The following CELF5 variants were observed in gnomAD, a reference collection of about 807,000 sequenced individuals.
CELF5 encodes CUGBP Elav-like family member 5.
CELF5 carries 6 observed loss-of-function variants against 54.9 expected under a neutral mutation model. The observed-to-expected ratio is 0.11, with a 90% CI of 0.06 to 0.22. CELF5 has a LOEUF of 0.22. CELF5 is among the 10% of genes least tolerant of loss of function. The probability of loss-of-function intolerance (pLI) is 1.00; values close to 1 mark genes in which losing one functional copy is unlikely to be tolerated. For missense variants in CELF5, 401 were observed against 678.6 expected, an observed-to-expected ratio of 0.59 and a Z score of 4.54; for synonymous variants, 271 against 290.9, an observed-to-expected ratio of 0.93 and a Z score of 0.70.
In CELF5 at chr19:3,275,189, G is replaced by A. The variant is rs1018649042; in HGVS notation, c.395-667G>A. The stretch of plus-strand genomic sequence containing the variant: ...CCAGGGAGCATGCAGTTACCCAAGG[G>A]GGCAGAGCTCACACAGGAGAGGCTG... On this transcript the variant is annotated intron_variant, in intron 3 of 12. Coordinates refer to ENST00000292672, the MANE Select transcript of CELF5 (RefSeq NM_021938.4). This position sits in a 1 kb window ranked among gnomAD's most constrained non-coding sequence, Gnocchi z 6.7. Among the ~76,000 whole-genome samples, 2 of 152,250 alleles carry A rather than the reference G, an allele frequency of 1.3e-5. No individual in the cohort carries two copies. The highest frequency in any genetic ancestry group is 4.8e-5 in the African/African-American group (2 of 41,546).
intron 10 of CELF5, among the ~76,000 whole-genome samples, chr19:3,288,876 A>G (rs1368701678): frequency 6.6e-6 from 1 of 152,136 alleles, no homozygotes; most frequent in Non-Finnish European, 1.5e-5. Context: ...TGGCAAGCGC[A>G]GGGATTCCTC....
At chr19:3,256,723 G>A (rs10420960) in intron 2 of CELF5, among the ~76,000 whole-genome samples, 29,441 of 151,272 alleles carry the variant, frequency 0.19, 3,300 homozygotes, top group East Asian at 0.54. Context: ...ATGTGCCACC[G>A]TGCCATGCTA....
intron 4 of CELF5, among the ~76,000 whole-genome samples, chr19:3,277,397 G>T (rs567896463): frequency 6.6e-6 from 1 of 152,262 alleles, no homozygotes; most frequent in Non-Finnish European, 1.5e-5. Flanking sequence ...GCTTGAACCC[G>T]GGAGGCAGAT....
intron 1 of CELF5, among the ~76,000 whole-genome samples, chr19:3,239,791 T>C (rs1054613106): frequency 7.2e-5 from 11 of 151,830 alleles, no homozygotes; most frequent in African/African-American, 2.4e-4. Flanking sequence ...ACCTTGACTC[T>C]GCCCCCTCAC....
In CELF5 at chr19:3,237,400, A is replaced by C. The variant is rs12462127; in HGVS notation, c.259+12402A>C. 6.8e-3 allele frequency among the ~76,000 whole-genome samples: 1,012 copies of C among 149,890 alleles called. 40 individuals carry two copies. Among genetic ancestry groups the C allele is most frequent in the Admixed American group, 0.063 (944 of 14,902 alleles). ...CCTGGGCTGCTTGTTGGCAGTTTTT[A>C]TGGTTACTCCTTGACCATATGCTAA... On this transcript the variant is annotated intron_variant, in intron 1 of 12. Transcript: ENST00000292672.
At chr19:3,234,733 C>A (rs1015316610) in intron 1 of CELF5, among the ~76,000 whole-genome samples, 8 of 152,064 alleles carry the variant, frequency 5.3e-5, no homozygotes, top group Admixed American at 3.9e-4. Context: ...AACAACCGCA[C>A]CTCCTATCCC....
intron 2 of CELF5, among the ~76,000 whole-genome samples, chr19:3,254,447 ATC>A (rs1238364258): frequency 5.5e-4 from 83 of 151,196 alleles, no homozygotes; most frequent in African/African-American, 1.9e-3. Context: ...CCATCTACGC[ATC>A]CATCCATCCA....
intron 1 of CELF5, among the ~76,000 whole-genome samples, chr19:3,239,374 C>T (rs1256728085): frequency 6.6e-6 from 1 of 152,030 alleles, no homozygotes; most frequent in African/African-American, 2.4e-5. Context: ...GCTGGGACTG[C>T]AAGTGTGTGC....
chr19:3,232,679 C>T (rs898570001), intron 1 of CELF5, among the ~76,000 whole-genome samples: 3 of 152,092 alleles, frequency 2.0e-5, no homozygotes, highest in Admixed American at 6.6e-5. Context: ...CAGTGCATCA[C>T]GCCTGTAATC....
rs1009447558 is a variant in CELF5, at chr19:3,278,948, G to T, written c.603+838G>T. 6.6e-6 allele frequency among the ~76,000 whole-genome samples: 1 copy of T among 152,296 alleles called. No homozygotes were observed. The highest frequency in any genetic ancestry group is 2.4e-5 in the African/African-American group (1 of 41,556). ...GAGCCATAGAAGATGGGGCCGCAAT[G>T]CGAGGCTGAGAAGCCTGGACTTTCT... On this transcript the variant is annotated intron_variant, in intron 5 of 12. Coordinates refer to ENST00000292672, the MANE Select transcript of CELF5 (RefSeq NM_021938.4). The surrounding 1 kb of genome is among the most constrained non-coding windows in gnomAD (Gnocchi z 4.5).
intron 1 of CELF5, among the ~76,000 whole-genome samples, chr19:3,243,633 G>A (rs1010341175): frequency 1.3e-5 from 2 of 152,110 alleles, no homozygotes; most frequent in African/African-American, 2.4e-5. Context: ...GGAACTGTAC[G>A]AGTTTGCAGG....
chr19:3,269,765 C>T (rs191899258), intron 2 of CELF5, among the ~76,000 whole-genome samples: 1 of 152,150 alleles, frequency 6.6e-6, no homozygotes, highest in African/African-American at 2.4e-5. Context: ...CTCCCTTCCC[C>T]CTCTCCCTTT....
At chr19:3,262,970 A>C (rs1030384659) in intron 2 of CELF5, among the ~76,000 whole-genome samples, 1 of 145,640 alleles carries the variant, frequency 6.9e-6, no homozygotes, top group Non-Finnish European at 1.5e-5. Flanking sequence ...AAAATAGATA[A>C]ATTTGTGGCT....
intron 1 of CELF5, among the ~76,000 whole-genome samples, chr19:3,242,395 G>T (rs2079503308): frequency 1.3e-5 from 2 of 152,086 alleles, no homozygotes; most frequent in South Asian, 4.2e-4. Flanking sequence ...AATTGGCTGG[G>T]TGCAGTGACT....
rs542504943 is a variant in CELF5, at chr19:3,225,670, C to T, written c.259+672C>T. ...GGCGCCCGGCTCGGGGGGACGCGCC[C>T]GCCTCGCCTGCCTCGGGTGGCGGAG... On this transcript the variant is annotated intron_variant, in intron 1 of 12. Transcript: ENST00000292672. The T allele has an allele frequency of 7.8e-4, 690 of 882,886 alleles. 4 individuals carry two copies. The African/African-American group carries it at 0.012, about 15-fold the overall frequency. The allele number at this position is 882,886 out of a possible 1,614,324, so 54.7% of individuals were successfully genotyped here. A position where few individuals can be genotyped will look rare whatever the true frequency, so the allele number is the denominator to read the frequency against.
At chr19:3,273,674 C>A (rs1044608975) in intron 2 of CELF5, among the ~76,000 whole-genome samples, 198 bp from the exon 3 acceptor site, 1 of 152,158 alleles carries the variant, frequency 6.6e-6, no homozygotes. Flanking sequence ...GTTTTGAGAG[C>A]TAAGAGTTCG....
rs149522661 is a variant in CELF5 at position 3,293,232 on chromosome 19, G to A, written c.1331-87G>A. ...TGCACGCAGGCCTGCTCAGGACCCC[G>A]TGAGCCGGGAAGCCAGGGCCACAGC... On this transcript the variant is annotated intron_variant, in intron 11 of 12. Coordinates refer to ENST00000292672, the MANE Select transcript of CELF5 (RefSeq NM_021938.4). The A allele has an allele frequency of 2.2e-5, 34 of 1,561,218 alleles. No homozygotes were observed. The East Asian group carries it at 5.4e-4, about 25-fold the overall frequency.
intron 2 of CELF5, among the ~76,000 whole-genome samples, chr19:3,264,299 A>G (rs1460689137): frequency 4.4e-5 from 3 of 67,958 alleles, no homozygotes; most frequent in East Asian, 1.7e-3. Context: ...CTAAAGCACT[A>G]GGTGTTTTTT....
At chr19:3,246,475 AG>A (rs2079568971) in intron 1 of CELF5, among the ~76,000 whole-genome samples, 1 of 152,042 alleles carries the variant, frequency 6.6e-6, no homozygotes, top group Non-Finnish European at 1.5e-5. Context: ...AAGCCAAGGC[AG>A]GAGGATCACT....
Sources: allele counts gnomAD v4.1 joint callset (sites outside exome capture counted in the v4.1 genomes callset), GRCh38; gene constraint gnomAD v4.1.1; non-coding constraint Gnocchi (gnomAD v3.1); transcripts MANE v1.5; gene names NCBI Gene and HGNC (gene_info 2026-07-23, HGNC 2026-07-21).